Variants in EPHA4 observed in about 807,000 individuals in gnomAD.
EPHA4 encodes ephrin type-A receptor 4.
A neutral mutation model predicts 108.3 loss-of-function variants in EPHA4; 19 were observed. The ratio of observed to expected loss-of-function variants is 0.18; its 90% CI spans 0.12 to 0.26. The LOEUF (loss-of-function observed/expected upper bound fraction) is 0.26, where lower values mean the gene tolerates loss of function less well. EPHA4 is among the 10% of genes least tolerant of loss of function. EPHA4 has a pLI of 1.00. For synonymous variants in EPHA4, 449 were observed against 455.5 expected, an observed-to-expected ratio of 0.99 and a Z score of 0.18; for missense variants, 917 against 1,254.0, an observed-to-expected ratio of 0.73 and a Z score of 4.06.
At chr2:221,421,580 C>G (rs552462290) in intron 17 of EPHA4, among the ~76,000 whole-genome samples, 1 of 152,196 alleles carries the variant, frequency 6.6e-6, no homozygotes, top group Non-Finnish European at 1.5e-5. Context: ...AGCCTGGAAT[C>G]GAACAAGGCT....
At chr2:221,479,948 C>T (rs1691767904) in intron 5 of EPHA4, among the ~76,000 whole-genome samples, 1 of 152,172 alleles carries the variant, frequency 6.6e-6, no homozygotes, top group Admixed American at 6.5e-5. Context: ...GACTACATGC[C>T]ATGGCAAAGA....
At chr2:221,489,817 C>T (rs1173051085) in intron 4 of EPHA4, among the ~76,000 whole-genome samples, 1 of 152,020 alleles carries the variant, frequency 6.6e-6, no homozygotes, top group Non-Finnish European at 1.5e-5. Flanking sequence ...ATGCTTTAGC[C>T]CAGTCCAGCT....
chr2:221,543,995 C>T (rs1171224981), intron 3 of EPHA4, among the ~76,000 whole-genome samples: 4 of 152,074 alleles, frequency 2.6e-5, no homozygotes, highest in Non-Finnish European at 5.9e-5. Flanking sequence ...ATTTCTGGCT[C>T]CTAGACAGTG....
intron 14 of EPHA4, among the ~76,000 whole-genome samples, chr2:221,433,572 A>G (rs1690144004): frequency 6.6e-6 from 1 of 152,004 alleles, no homozygotes; most frequent in Admixed American, 6.6e-5. Flanking sequence ...TATTAGTGTC[A>G]TTATTGAATC....
intron 3 of EPHA4, among the ~76,000 whole-genome samples, chr2:221,561,103 G>C (rs372852662): frequency 1.3e-5 from 2 of 152,178 alleles, no homozygotes; most frequent in African/African-American, 4.8e-5. Context: ...TTAGCCAGGC[G>C]TGGTGGCGGG....
At chr2:221,541,812 A>C (rs1574647209) in intron 3 of EPHA4, among the ~76,000 whole-genome samples, 1 of 152,310 alleles carries the variant, frequency 6.6e-6, no homozygotes, top group African/African-American at 2.4e-5. Flanking sequence ...TGTACATTAC[A>C]AGTACAGCAA....
At chr2:221,434,035 T>G in intron 14 of EPHA4, 107 bp downstream of exon 14, 4 of 1,127,718 alleles carry the variant, frequency 3.5e-6, no homozygotes, top group Non-Finnish European at 5.0e-6. Context: ...TTAAGAAATT[T>G]GAGTTTAATG....
chr2:221,552,861 C>T (rs1559290817), intron 3 of EPHA4, among the ~76,000 whole-genome samples: 1 of 152,082 alleles, frequency 6.6e-6, no homozygotes, highest in Non-Finnish European at 1.5e-5. Context: ...AAGATGCAAC[C>T]TATTTAGTAA....
chr2:221,548,574 C>A (rs943032822), intron 3 of EPHA4, among the ~76,000 whole-genome samples: 2 of 151,854 alleles, frequency 1.3e-5, no homozygotes, highest in Non-Finnish European at 2.9e-5. Context: ...ATCACCCATT[C>A]TCAGGTCTTT....
In EPHA4 at chr2:221,515,651, C is replaced by G. The variant is rs141867755; in HGVS notation, c.824-14479G>C. 2.1e-4 allele frequency among the ~76,000 whole-genome samples: 32 copies of G among 151,964 alleles called. No individual in the cohort carries two copies. The East Asian group carries it at 5.7e-3, about 27-fold the overall frequency. On this transcript the variant is annotated intron_variant, in intron 3 of 17. Transcript: ENST00000281821. The stretch of plus-strand genomic sequence containing the variant: ...GCAACATAGTGAGACTCTGTCTCTA[C>G]GAGAAGTTTTTAAAAATTAGCTGGG...
chr2:221,491,763 G>A (rs1263315221), intron 4 of EPHA4, among the ~76,000 whole-genome samples: 1 of 152,038 alleles, frequency 6.6e-6, no homozygotes, highest in Non-Finnish European at 1.5e-5. Flanking sequence ...TCTATTAAAG[G>A]TTCTTTTTCT....
chr2:221,501,160 C>T lies in EPHA4; in HGVS notation c.836G>A (p.Gly279Glu). Residue 279 changes from glycine (G) to glutamate (E), a missense_variant, in exon 4 of 18, where the codon GGA (glycine) becomes GAA (glutamate). Gly to Glu is a moderately conservative substitution (Grantham distance 98, BLOSUM62 -2). Transcript: ENST00000281821. ...RSGECQACKI[G>E]YYKALSTDAT... Reference sequence around the variant, plus strand: ...ATCCGTGGAGAGAGCCTTGTAATATCCAATTTTGCAAGCTGCAGGGAAGAA... The same window carrying T: ...ATCCGTGGAGAGAGCCTTGTAATATTCAATTTTGCAAGCTGCAGGGAAGAA... 1.3e-6 allele frequency: 2 copies of T among 1,599,536 alleles called. No homozygotes were observed. Among genetic ancestry groups the T allele is most frequent in the Non-Finnish European group, 1.7e-6 (2 of 1,174,066 alleles).
intron 3 of EPHA4, among the ~76,000 whole-genome samples, chr2:221,524,508 C>T (rs1366247727): frequency 6.6e-6 from 1 of 152,160 alleles, no homozygotes; most frequent in Non-Finnish European, 1.5e-5. Flanking sequence ...CCTAGTTAGA[C>T]TTACAATCAG....
At chr2:221,508,342 G>A (rs1692694722) in intron 3 of EPHA4, among the ~76,000 whole-genome samples, 1 of 152,188 alleles carries the variant, frequency 6.6e-6, no homozygotes, top group Non-Finnish European at 1.5e-5. Context: ...ACTTTGGGAG[G>A]TCAAGGCAGA....
chr2:221,441,219 A>T (rs1690417445), intron 11 of EPHA4, among the ~76,000 whole-genome samples: 1 of 134,812 alleles, frequency 7.4e-6, no homozygotes. Flanking sequence ...TTTTTTAAGT[A>T]GAGACAGGTT....
At chr2:221,528,879 T>C (rs535071976) in intron 3 of EPHA4, among the ~76,000 whole-genome samples, 2 of 152,318 alleles carry the variant, frequency 1.3e-5, no homozygotes, top group Admixed American at 1.3e-4. Context: ...GGCATGCTCT[T>C]ATCCTCTGTC....
At chr2:221,447,821 T>TTTTATTTATGTATTTA (rs1553570832) in intron 8 of EPHA4, among the ~76,000 whole-genome samples, 1 of 147,560 alleles carries the variant, frequency 6.8e-6, no homozygotes, top group Non-Finnish European at 1.5e-5. Flanking sequence ...AAGGGTCTAT[T>TTTTATTTATGTATTTA]TTTATTTATT....
chr2:221,514,420 G>A (rs142515870), intron 3 of EPHA4, among the ~76,000 whole-genome samples: 2 of 152,328 alleles, frequency 1.3e-5, no homozygotes, highest in African/African-American at 2.4e-5. Flanking sequence ...AGCATGGCAA[G>A]TGGAGCTGGT....
At chr2:221,460,779 T>C (rs963885684) in intron 5 of EPHA4, among the ~76,000 whole-genome samples, 9 of 152,194 alleles carry the variant, frequency 5.9e-5, no homozygotes, top group Non-Finnish European at 1.3e-4. Flanking sequence ...GTCATTTCCC[T>C]AGATGAGGCA....
Sources: gnomAD v4.1 joint callset for allele counts (sites outside exome capture counted in the v4.1 genomes callset) on GRCh38, gnomAD v4.1.1 for gene constraint, MANE v1.5 for transcripts, NCBI Gene and HGNC (gene_info 2026-07-23, HGNC 2026-07-21) for gene names.